RGS7: variants seen among roughly 807,000 people sequenced by gnomAD.
RGS7 encodes regulator of G-protein signaling 7.
In RGS7, 27 loss-of-function variants were observed where a neutral mutation model predicts 81.1. The observed-to-expected ratio is 0.33, with a 90% confidence interval of 0.25 to 0.46. RGS7 has a LOEUF of 0.46. Ranked by LOEUF, RGS7 falls within the 20% of genes least tolerant of loss-of-function variation. The pLI, the probability that RGS7 is intolerant of heterozygous loss-of-function variation, is 1.00. For synonymous variants in RGS7, 208 were observed against 207.7 expected (o/e 1.00, Z -0.01); for missense variants, 396 against 607.4 (o/e 0.65, Z 3.66).
chr1:240,801,635 A>G, intron 16 of RGS7, 127 bp from the exon 17 acceptor site: 1 of 748,494 alleles, frequency 1.3e-6, no homozygotes, highest in East Asian at 2.7e-5. Flanking sequence ...TCCATGTTCT[A>G]AATCAGAAGG....
At chr1:241,086,004 A>C (rs1045282360) in intron 3 of RGS7, among the ~76,000 whole-genome samples, 5 of 152,198 alleles carry the variant, frequency 3.3e-5, no homozygotes, top group African/African-American at 9.7e-5. Context: ...AACAGCAAGC[A>C]CACAGGAACT....
Position 241,098,660 on chromosome 1 carries a change from A to C in RGS7, c.175+6T>G. Reference sequence around the variant, plus strand: ...GAAAACAGAACTGTGCTCCATGCAGACTTACCAGAGAAGACGCTAGGTATC... The same window carrying C: ...GAAAACAGAACTGTGCTCCATGCAGCCTTACCAGAGAAGACGCTAGGTATC... On this transcript the variant is annotated splice_donor_region_variant and intron_variant, in intron 3 of 18. Coordinates refer to ENST00000440928, the MANE Select transcript of RGS7 (RefSeq NM_001364886.1). The C allele has an allele frequency of 6.3e-7, 1 of 1,598,324 alleles. No homozygotes were observed. Among genetic ancestry groups the C allele is most frequent in the Non-Finnish European group, 8.6e-7 (1 of 1,165,802 alleles).
At chr1:241,351,511 T>C (rs1373679024) in intron 2 of RGS7, among the ~76,000 whole-genome samples, 1 of 151,846 alleles carries the variant, frequency 6.6e-6, no homozygotes, top group Non-Finnish European at 1.5e-5. Flanking sequence ...ATGTGAAAGA[T>C]TTATTCAGGT....
At chr1:240,884,277 A>G (rs1439690567) in intron 6 of RGS7, among the ~76,000 whole-genome samples, 1 of 152,154 alleles carries the variant, frequency 6.6e-6, no homozygotes, top group African/African-American at 2.4e-5. Flanking sequence ...AGATGTCTTT[A>G]AACAGAAACA....
At chr1:240,993,458 G>A (rs1235698209) in intron 3 of RGS7, among the ~76,000 whole-genome samples, 1 of 152,066 alleles carries the variant, frequency 6.6e-6, no homozygotes, top group Non-Finnish European at 1.5e-5. Context: ...TCTGCCTGGT[G>A]GCTAATGGTA....
At chr1:241,270,283 G>A (rs959814921) in intron 2 of RGS7, among the ~76,000 whole-genome samples, 3 of 151,974 alleles carry the variant, frequency 2.0e-5, no homozygotes, top group African/African-American at 7.3e-5. Context: ...TGGGGCTCTC[G>A]GTCTAGGATA....
chr1:241,289,843 C>T (rs1405804823), intron 2 of RGS7, among the ~76,000 whole-genome samples: 1 of 151,966 alleles, frequency 6.6e-6, no homozygotes, highest in Non-Finnish European at 1.5e-5. Flanking sequence ...CCTGCTGCTA[C>T]CTGAGTGAGA....
intron 2 of RGS7, among the ~76,000 whole-genome samples, chr1:241,189,077 C>T (rs1176105305): frequency 2.0e-5 from 3 of 152,050 alleles, no homozygotes; most frequent in East Asian, 1.9e-4. Flanking sequence ...TGGGCTCAAG[C>T]GATCCTCCCA....
chr1:240,808,638 C>T (rs767207240), intron 14 of RGS7, among the ~76,000 whole-genome samples: 4 of 152,168 alleles, frequency 2.6e-5, no homozygotes, highest in South Asian at 2.1e-4. Flanking sequence ...TGCTCACAAC[C>T]ACTCCCTCAC....
chr1:240,948,858 A>G (rs1464635177), intron 4 of RGS7, among the ~76,000 whole-genome samples: 1 of 150,094 alleles, frequency 6.7e-6, no homozygotes, highest in Non-Finnish European at 1.5e-5. Context: ...TTATATATAT[A>G]TAATTTAAAT....
intron 2 of RGS7, among the ~76,000 whole-genome samples, chr1:241,121,119 C>T (rs1417466737): frequency 1.3e-5 from 2 of 152,178 alleles, no homozygotes; most frequent in Non-Finnish European, 2.9e-5. Context: ...CTGAAGATTG[C>T]TTCACAGATT....
chr1:241,016,290 T>C (rs750152582), intron 3 of RGS7, among the ~76,000 whole-genome samples: 37 of 151,990 alleles, frequency 2.4e-4, no homozygotes, highest in Admixed American at 1.8e-3. Context: ...GAGGCCAAGG[T>C]GGTCTGATTA....
intron 2 of RGS7, among the ~76,000 whole-genome samples, chr1:241,290,535 T>A (rs2148446148): frequency 6.6e-6 from 1 of 152,336 alleles, no homozygotes; most frequent in African/African-American, 2.4e-5. Flanking sequence ...TGTGTCCTGT[T>A]CTCATTTCAA....
At chr1:240,965,444 A>G (rs569544217) in intron 4 of RGS7, among the ~76,000 whole-genome samples, 1 of 152,312 alleles carries the variant, frequency 6.6e-6, no homozygotes, top group African/African-American at 2.4e-5. Context: ...AGTGTCCCCA[A>G]CCACACAACA....
chr1:241,143,334 G>A (rs576673173), intron 2 of RGS7, among the ~76,000 whole-genome samples: 19 of 152,198 alleles, frequency 1.2e-4, no homozygotes, highest in East Asian at 5.8e-4. Context: ...TCATGCTGCC[G>A]ATAATGACAT....
chr1:241,213,907 G>C (rs2074396538), intron 2 of RGS7, among the ~76,000 whole-genome samples: 1 of 152,080 alleles, frequency 6.6e-6, no homozygotes, highest in African/African-American at 2.4e-5. Context: ...TGGGACTACA[G>C]GTGTGTGCCA....
chr1:241,199,381 G>C (rs1055316441), intron 2 of RGS7, among the ~76,000 whole-genome samples: 9 of 151,606 alleles, frequency 5.9e-5, no homozygotes, highest in African/African-American at 2.2e-4. Context: ...CTGAGATTGC[G>C]CCACTGCACT....
intron 5 of RGS7, among the ~76,000 whole-genome samples, chr1:240,931,472 A>ATTCTCC (rs1675428572): frequency 2.0e-5 from 3 of 152,154 alleles, no homozygotes; most frequent in Non-Finnish European, 4.4e-5. Context: ...TGCTTGAGGG[A>ATTCTCC]ATGGAGATCC....
intron 4 of RGS7, among the ~76,000 whole-genome samples, chr1:240,938,874 G>T (rs1234446222): frequency 2.0e-5 from 3 of 151,146 alleles, no homozygotes; most frequent in Non-Finnish European, 2.9e-5. Context: ...CATCCTTTCA[G>T]TTCAAAGTCA....
Sources: allele counts gnomAD v4.1 joint callset (sites outside exome capture counted in the v4.1 genomes callset), GRCh38; gene constraint gnomAD v4.1.1; transcripts MANE v1.5; gene names NCBI Gene and HGNC (gene_info 2026-07-23, HGNC 2026-07-21).